JAK1: variants seen among roughly 807,000 people sequenced by gnomAD.
JAK1 encodes Janus kinase 1.
A neutral mutation model predicts 136.6 loss-of-function variants in JAK1; 16 were observed. The observed-to-expected ratio is 0.12, with a 90% CI of 0.08 to 0.18. The LOEUF (loss-of-function observed/expected upper bound fraction) is 0.18. Among genes scored for constraint, JAK1 ranks in the 10% least tolerant of loss-of-function variants. The pLI, the probability that JAK1 is intolerant of heterozygous loss-of-function variation, is 1.00. For missense variants in JAK1, 859 were observed against 1,450.1 expected, an observed-to-expected ratio of 0.59 and a Z score of 6.62; for synonymous variants, 492 against 519.5, an observed-to-expected ratio of 0.95 and a Z score of 0.72.
intron 1 of JAK1, among the ~76,000 whole-genome samples, chr1:64,946,635 CAA>C (rs1227599636): frequency 1.3e-5 from 2 of 151,898 alleles, no homozygotes; most frequent in Admixed American, 6.6e-5. Flanking sequence ...TACTGGGCAC[CAA>C]AAAGAGTTAA....
At chr1:65,035,940 C>A (rs893520948) in intron 2 of JAK1, among the ~76,000 whole-genome samples, 1 of 151,860 alleles carries the variant, frequency 6.6e-6, no homozygotes, top group Non-Finnish European at 1.5e-5. Context: ...TGGTAGCGCA[C>A]GCCTGTAGTC....
At chr1:65,052,758 G>A (rs1237952876) in intron 1 of JAK1, among the ~76,000 whole-genome samples, 1 of 151,016 alleles carries the variant, frequency 6.6e-6, no homozygotes, top group African/African-American at 2.4e-5. Context: ...AGCTTGCAGT[G>A]AGCTGAGATC....
At chr1:65,018,462 C>T (rs1409913011) in intron 2 of JAK1, among the ~76,000 whole-genome samples, 1 of 146,204 alleles carries the variant, frequency 6.8e-6, no homozygotes, top group African/African-American at 2.5e-5. Context: ...CACATACATA[C>T]AGAGAGAGAG....
chr1:64,954,371 T>C lies in JAK1; in HGVS notation c.-78+11962A>G, dbSNP rs372678995. On this transcript the variant is annotated intron_variant, in intron 1 of 24. Coordinates refer to ENST00000342505, the MANE Select transcript of JAK1 (RefSeq NM_002227.4). ...AACTGACACAGTAAAAGCTAATAAA[T>C]AGTCTCATGCCCGTGCCCACTCTCC... 2.3e-4 allele frequency among the ~76,000 whole-genome samples: 35 copies of C among 152,222 alleles called. 5 individuals are homozygous for C. The highest frequency in any genetic ancestry group is 3.3e-4 in the Admixed American group (5 of 15,292).
chr1:64,985,871 C>T (rs1569823277), intron 2 of JAK1: 1 of 628,306 alleles, frequency 1.6e-6, no homozygotes, highest in East Asian at 3.2e-5. Context: ...AGGAGCTAAT[C>T]ATACAACCAA....
chr1:64,850,032 C>T (rs1049249878), intron 12 of JAK1, among the ~76,000 whole-genome samples: 3 of 152,212 alleles, frequency 2.0e-5, no homozygotes, highest in Non-Finnish European at 4.4e-5. Context: ...GGCTCCTTCA[C>T]AGCAGGCAGC....
chr1:64,916,036 T>TC (rs1478277088), intron 1 of JAK1, among the ~76,000 whole-genome samples: 1 of 152,072 alleles, frequency 6.6e-6, no homozygotes, highest in Non-Finnish European at 1.5e-5. Flanking sequence ...GGCTGGGAGT[T>TC]CCCCAATGAA....
intron 1 of JAK1, among the ~76,000 whole-genome samples, chr1:64,891,635 G>A (rs765541667): frequency 6.6e-6 from 1 of 152,202 alleles, no homozygotes; most frequent in Non-Finnish European, 1.5e-5. Flanking sequence ...TAGAGCCACC[G>A]AAAATGACTT....
intron 1 of JAK1, among the ~76,000 whole-genome samples, chr1:64,955,105 T>C (rs1056267263): frequency 1.3e-5 from 2 of 152,352 alleles, no homozygotes; most frequent in East Asian, 1.9e-4. Flanking sequence ...TTGAATCTCC[T>C]GCAAATTTTG....
intron 1 of JAK1, among the ~76,000 whole-genome samples, chr1:64,943,759 T>C (rs1645931184): frequency 6.6e-6 from 1 of 151,630 alleles, no homozygotes; most frequent in Admixed American, 6.6e-5. Flanking sequence ...TCTTAATATA[T>C]AAGTAAACTT....
At chr1:64,958,571 A>G (rs1281189767) in intron 1 of JAK1, among the ~76,000 whole-genome samples, 1 of 152,262 alleles carries the variant, frequency 6.6e-6, no homozygotes, top group Admixed American at 6.5e-5. Flanking sequence ...TATAATATAT[A>G]TTGCATCTGT....
intron 13 of JAK1, 184 bp from the exon 14 acceptor site, chr1:64,846,920 C>G: frequency 1.7e-6 from 1 of 589,290 alleles, no homozygotes; most frequent in Non-Finnish European, 3.0e-6. Context: ...TTCTCTGGGC[C>G]AACCTGGCAG....
chr1:65,066,474 G>C (rs1213692262), intron 1 of JAK1, among the ~76,000 whole-genome samples: 1 of 152,236 alleles, frequency 6.6e-6, no homozygotes, highest in African/African-American at 2.4e-5. Context: ...TGAAGGGGGA[G>C]AAGGCGTTCC....
At chr1:64,914,060 A>T (rs12066084) in intron 1 of JAK1, among the ~76,000 whole-genome samples, 13,248 of 152,188 alleles carry the variant, frequency 0.087, 801 homozygotes, top group Admixed American at 0.16. Context: ...CCAAGACTCT[A>T]CAATGCAGGT....
intron 1 of JAK1, among the ~76,000 whole-genome samples, chr1:64,916,977 A>G (rs984124709): frequency 2.0e-5 from 3 of 152,104 alleles, no homozygotes; most frequent in Non-Finnish European, 4.4e-5. Context: ...AAGAAAGTGG[A>G]GGGGAGAAAA....
chr1:65,005,391 G>A (rs1646796027), intron 2 of JAK1, among the ~76,000 whole-genome samples: 1 of 151,984 alleles, frequency 6.6e-6, no homozygotes, highest in Non-Finnish European at 1.5e-5. Context: ...AGGCTGGGAA[G>A]GGTAGTGGGA....
At chr1:64,909,295 G>A (rs1377258779) in intron 1 of JAK1, among the ~76,000 whole-genome samples, 1 of 152,134 alleles carries the variant, frequency 6.6e-6, no homozygotes, top group Non-Finnish European at 1.5e-5. Flanking sequence ...TCTGGGCCGT[G>A]GTGAAAGAGG....
chr1:64,915,530 T>C (rs1238089250), intron 1 of JAK1, among the ~76,000 whole-genome samples: 2 of 152,186 alleles, frequency 1.3e-5, no homozygotes, highest in Non-Finnish European at 2.9e-5. Context: ...TGGCCACTCC[T>C]CTGCCCCAGC....
chr1:64,945,065 CA>C (rs952754234), intron 1 of JAK1, among the ~76,000 whole-genome samples: 7 of 151,790 alleles, frequency 4.6e-5, no homozygotes, highest in African/African-American at 1.7e-4. Context: ...CCCCTAGTCG[CA>C]TATCACACTA....
Sources: gnomAD v4.1 joint callset for allele counts (sites outside exome capture counted in the v4.1 genomes callset) on GRCh38, gnomAD v4.1.1 for gene constraint, MANE v1.5 for transcripts, NCBI Gene and HGNC (gene_info 2026-07-23, HGNC 2026-07-21) for gene names.